Variants in ITPR1 observed in about 807,000 individuals in gnomAD.
ITPR1 encodes inositol 1,4,5-trisphosphate receptor type 1.
In ITPR1, 96 loss-of-function variants were observed where a neutral mutation model predicts 318.4. The observed-to-expected ratio is 0.30, with a 90% CI of 0.26 to 0.36. The LOEUF (loss-of-function observed/expected upper bound fraction) is 0.36, where lower values mean the gene tolerates loss of function less well. ITPR1 is among the 10% of genes least tolerant of loss of function. ITPR1 has a pLI of 1.00. For synonymous variants in ITPR1, 1,312 were observed against 1,289.9 expected (o/e 1.02, Z -0.37); for missense variants, 2,440 against 3,460.2 (o/e 0.71, Z 7.40).
At position 4,706,268 on chromosome 3, in the gene ITPR1, C is replaced by T. The variant is rs368516308; in HGVS notation, c.4759C>T (p.Arg1587Trp). 28 of 1,614,012 alleles carry T rather than the reference C, an allele frequency of 1.7e-5. No homozygotes were observed. Among genetic ancestry groups the T allele is most frequent in the South Asian group, 4.4e-5 (4 of 91,092 alleles). Residue 1587 changes from arginine (R) to tryptophan (W), a missense_variant, in exon 37 of 62, where the codon CGG becomes TGG. Physicochemically the swap from Arg to Trp is moderately radical, Grantham distance 101 (BLOSUM62 -3). Around this residue, in one of 23 missense-constraint regions of ITPR1, gnomAD observed 166 missense variants for 246.5 expected, o/e 0.67. Transcript: ENST00000649015. ...SIVQKTAMNW[R>W]LSARNAARRD... is the part of the protein sequence containing the mutation. ...TGTGCAGAAAACAGCCATGAACTGGCGGCTCTCAGCCCGCAATGCCGCACG... is the reference window on the plus strand; with the variant it reads ...TGTGCAGAAAACAGCCATGAACTGGTGGCTCTCAGCCCGCAATGCCGCACG...
rs145427040 is a variant in ITPR1, at chr3:4,702,480, A to T, written c.4537-350A>T. On this transcript the variant is annotated intron_variant, in intron 35 of 61. Coordinates refer to ENST00000649015, the MANE Select transcript of ITPR1 (RefSeq NM_001378452.1). ...ATGAAACTGAAGCTCAGAGAGGTGAAGTAATTTGCCTAAAGTCATGCAGCT... is the reference window on the plus strand; with the variant it reads ...ATGAAACTGAAGCTCAGAGAGGTGATGTAATTTGCCTAAAGTCATGCAGCT... Among the ~76,000 whole-genome samples, 24 of 152,324 alleles carry T rather than the reference A, an allele frequency of 1.6e-4. No individual in the cohort carries two copies. The East Asian group carries it at 4.0e-3, about 26-fold the overall frequency.
intron 2 of ITPR1, among the ~76,000 whole-genome samples, chr3:4,505,118 T>C (rs2124887086): frequency 6.6e-6 from 1 of 152,330 alleles, no homozygotes; most frequent in East Asian, 1.9e-4. Flanking sequence ...CCTTATGGCC[T>C]CTTGGCTTGC....
rs142949720 is a variant in ITPR1, at chr3:4,768,782, G to A, written c.5979+18G>A. ...ACCTGCAGGTGAGGGCCTGGGGGTGGGGGCGTGGAGGGAGCTCGGGAAAGG... is the reference window on the plus strand; with the variant it reads ...ACCTGCAGGTGAGGGCCTGGGGGTGAGGGCGTGGAGGGAGCTCGGGAAAGG... On this transcript the variant is annotated intron_variant, in intron 46 of 61. Transcript: ENST00000649015. 5.0e-4 allele frequency: 804 copies of A among 1,595,792 alleles called. 5 individuals carry two copies. In the African/African-American group the frequency reaches 9.9e-3, roughly 20 times the overall value.
intron 7 of ITPR1, among the ~76,000 whole-genome samples, chr3:4,643,507 G>A (rs4685786): frequency 0.84 from 127,509 of 152,054 alleles, 53,857 homozygotes; most frequent in East Asian, 1. Flanking sequence ...CATGAAATCA[G>A]TTTAGTGGCT....
chr3:4,630,561 CATTATTATTATTATT>C (rs71053435), intron 5 of ITPR1, among the ~76,000 whole-genome samples: 13 of 138,712 alleles, frequency 9.4e-5, no homozygotes, highest in Admixed American at 1.5e-4. Context: ...AAATTGTCCG[CATTATTATTATTATT>C]ATTATTATTA....
In ITPR1 at chr3:4,710,098, G is replaced by T. The variant is rs1353110449; in HGVS notation, c.4843-227G>T. On this transcript the variant is annotated intron_variant, in intron 37 of 61. Transcript: ENST00000649015. The surrounding 1 kb of genome is among the most constrained non-coding windows in gnomAD (Gnocchi z 4.2). Reference sequence around the variant, plus strand: ...TAGCATAAGGGCCACCTTGAAAGAAGGGGTGGTGGGAAAGTTGACTTGTTT... The same window carrying T: ...TAGCATAAGGGCCACCTTGAAAGAATGGGTGGTGGGAAAGTTGACTTGTTT... Among the ~76,000 whole-genome samples the T allele has an allele frequency of 1.3e-5, 2 of 152,198 alleles. No homozygotes were observed. Among genetic ancestry groups the T allele is most frequent in the African/African-American group, 4.8e-5 (2 of 41,452 alleles).
At chr3:4,812,056 T>C (rs1213228209) in intron 56 of ITPR1, among the ~76,000 whole-genome samples, 1 of 129,760 alleles carries the variant, frequency 7.7e-6, no homozygotes, top group Non-Finnish European at 1.7e-5. Context: ...TTTTTTTTTT[T>C]CGAGACAGGA....
At chr3:4,814,399 TG>T (rs2049147690) in intron 57 of ITPR1, 23 bp from the exon 58 acceptor site, 1 of 1,613,604 alleles carries the variant, frequency 6.2e-7, no homozygotes, top group African/African-American at 1.3e-5. Context: ...GTTTTCTCTC[TG>T]TTGTTACTTG....
intron 45 of ITPR1, among the ~76,000 whole-genome samples, chr3:4,767,956 G>A (rs2045926791): frequency 6.6e-6 from 1 of 152,198 alleles, no homozygotes; most frequent in Non-Finnish European, 1.5e-5. Context: ...CAGCTAGGAG[G>A]CAGTGGAGCC....
chr3:4,837,147 T>C (rs1171796285), intron 61 of ITPR1, among the ~76,000 whole-genome samples: 1 of 151,994 alleles, frequency 6.6e-6, no homozygotes, highest in East Asian at 1.9e-4. Flanking sequence ...TGGTGCTACT[T>C]TCAGTGCTGC....
chr3:4,775,554 T>C (rs2046431653), intron 47 of ITPR1, 112 bp downstream of exon 47: 1 of 754,166 alleles, frequency 1.3e-6, no homozygotes, highest in Middle Eastern at 2.8e-4. Flanking sequence ...AGGGAGTCAG[T>C]AGGACAGGAG....
At chr3:4,515,873 A>T (rs1394821389) in intron 2 of ITPR1, among the ~76,000 whole-genome samples, 1 of 152,196 alleles carries the variant, frequency 6.6e-6, no homozygotes, top group Non-Finnish European at 1.5e-5. Flanking sequence ...AGAAGGCAAG[A>T]CATTTAAGTA....
chr3:4,752,071 T>C (rs2044574047), intron 44 of ITPR1, among the ~76,000 whole-genome samples: 1 of 152,228 alleles, frequency 6.6e-6, no homozygotes, highest in African/African-American at 2.4e-5. Flanking sequence ...GCTCTGACAC[T>C]GAAGGGGATA....
At chr3:4,519,408 G>A (rs1229727651) in intron 3 of ITPR1, among the ~76,000 whole-genome samples, 7 of 152,100 alleles carry the variant, frequency 4.6e-5, no homozygotes, top group African/African-American at 1.4e-4. Context: ...TGAATTTCTA[G>A]TAGTGACAGG....
intron 40 of ITPR1, among the ~76,000 whole-genome samples, chr3:4,719,780 T>G (rs2042016960): frequency 6.6e-6 from 1 of 152,014 alleles, no homozygotes; most frequent in African/African-American, 2.4e-5. Flanking sequence ...TGGTATGGGG[T>G]CTTCCCCGCT....
At position 4,683,742 on chromosome 3, in the gene ITPR1, G is replaced by A. The variant is rs542241167; in HGVS notation, c.3442G>A (p.Gly1148Ser). The A allele has an allele frequency of 1.2e-5, 20 of 1,614,024 alleles. No homozygotes were observed. The East Asian group carries it at 3.8e-4, about 31-fold the overall frequency. ...AGAGCTTTGGGTGTACAAAGGGCAGGGCCCCGATGAGACTATGGATGGTGC... is the reference window on the plus strand; with the variant it reads ...AGAGCTTTGGGTGTACAAAGGGCAGAGCCCCGATGAGACTATGGATGGTGC... ...KSELWVYKGQ[G>S]PDETMDGASG... The change falls in exon 28 of 62, where the codon GGC becomes AGC. Residue 1148 changes from glycine to serine, a missense_variant. Gly to Ser is a moderately conservative substitution (Grantham distance 56, BLOSUM62 0). This residue lies in a region of ITPR1 where 86 missense variants were observed against 75.6 expected (regional missense o/e 1.14). Coordinates refer to ENST00000649015, the MANE Select transcript of ITPR1 (RefSeq NM_001378452.1).
chr3:4,527,740 G>C (rs550860543), intron 4 of ITPR1, among the ~76,000 whole-genome samples: 1 of 152,290 alleles, frequency 6.6e-6, no homozygotes, highest in African/African-American at 2.4e-5. Context: ...GCTATAATGA[G>C]CCGCTCTTGG....
At chr3:4,708,356 A>T (rs2094802026) in intron 37 of ITPR1, among the ~76,000 whole-genome samples, 1 of 152,048 alleles carries the variant, frequency 6.6e-6, no homozygotes, top group South Asian at 2.1e-4. Flanking sequence ...GACCTATGAA[A>T]CCCTGCTCTT....
intron 59 of ITPR1, 132 bp from the exon 60 acceptor site, chr3:4,817,950 C>T (rs183191780): frequency 3.8e-5 from 25 of 660,748 alleles, no homozygotes; most frequent in Middle Eastern, 3.8e-4. Flanking sequence ...CTTATAAGGC[C>T]GACAGAATCC....
Sources: allele counts gnomAD v4.1 joint callset (sites outside exome capture counted in the v4.1 genomes callset), GRCh38; gene constraint gnomAD v4.1.1; regional missense constraint gnomAD v4.1.1; non-coding constraint Gnocchi (gnomAD v3.1); transcripts MANE v1.5; gene names NCBI Gene and HGNC (gene_info 2026-07-23, HGNC 2026-07-21).